Variants in HDAC9 observed in about 807,000 individuals in gnomAD.
The protein encoded by HDAC9 is histone deacetylase 9, also known as MEF-2 interacting transcription repressor (MITR) protein.
A neutral mutation model predicts 139.4 loss-of-function variants in HDAC9; 41 were observed. The observed-to-expected ratio is 0.29, with a 90% CI of 0.23 to 0.38. The LOEUF is 0.38. HDAC9 is among the 10% of genes least tolerant of loss of function. HDAC9 has a pLI of 1.00. For synonymous variants in HDAC9, 517 were observed against 476.2 expected, an observed-to-expected ratio of 1.09 and a Z score of -1.12; for missense variants, 1,147 against 1,297.0, an observed-to-expected ratio of 0.88 and a Z score of 1.78.
intron 24 of HDAC9, among the ~76,000 whole-genome samples, chr7:18,965,655 T>A (rs761416017): frequency 1.3e-5 from 2 of 152,224 alleles, no homozygotes; most frequent in African/African-American, 2.4e-5. Flanking sequence ...TGAGAGCTGA[T>A]GTAAAACACA....
At chr7:18,514,988 C>T (rs757786366) in intron 2 of HDAC9, among the ~76,000 whole-genome samples, 3 of 152,040 alleles carry the variant, frequency 2.0e-5, no homozygotes, top group Non-Finnish European at 2.9e-5. Flanking sequence ...TAATTTTCTT[C>T]GTTAAACTAG....
intron 1 of HDAC9, among the ~76,000 whole-genome samples, chr7:18,364,347 C>T (rs181348201): frequency 3.0e-4 from 46 of 151,970 alleles, no homozygotes; most frequent in Non-Finnish European, 4.6e-4. Flanking sequence ...TCTGCGGCAC[C>T]GGCATATGAT....
At chr7:18,122,280 A>G (rs1011933212) in intron 1 of HDAC9, among the ~76,000 whole-genome samples, 18 of 152,138 alleles carry the variant, frequency 1.2e-4, no homozygotes, top group Non-Finnish European at 1.8e-4. Flanking sequence ...GTTGGTGAGA[A>G]TATGGATATG....
chr7:18,144,953 T>G (rs1786187545), intron 1 of HDAC9, among the ~76,000 whole-genome samples: 1 of 152,214 alleles, frequency 6.6e-6, no homozygotes, highest in Non-Finnish European at 1.5e-5. Flanking sequence ...TTGAATGACA[T>G]CTTTCTGTTC....
chr7:18,782,909 G>C (rs573709451), intron 16 of HDAC9, among the ~76,000 whole-genome samples: 1 of 152,006 alleles, frequency 6.6e-6, no homozygotes, highest in African/African-American at 2.4e-5. Context: ...GCTGGTTTAC[G>C]AGGTCTCTAA....
At chr7:18,939,710 T>TA (rs927134424) in intron 23 of HDAC9, among the ~76,000 whole-genome samples, 31 of 152,180 alleles carry the variant, frequency 2.0e-4, no homozygotes, top group Admixed American at 2.0e-3. Context: ...AAGCTGTAGG[T>TA]AAAAAAATAC....
At chr7:18,650,888 T>G (rs539381399) in intron 11 of HDAC9, among the ~76,000 whole-genome samples, 9 of 152,178 alleles carry the variant, frequency 5.9e-5, no homozygotes, top group Admixed American at 1.3e-4. Flanking sequence ...GCCAGTTGGC[T>G]TTTCTCCAAG....
At chr7:18,916,153 T>C (rs1045651565) in intron 22 of HDAC9, among the ~76,000 whole-genome samples, 6 of 151,866 alleles carry the variant, frequency 4.0e-5, no homozygotes, top group African/African-American at 1.5e-4. Flanking sequence ...AAAGAAAGGC[T>C]CAGGGATGGT....
chr7:18,225,267 T>C (rs1342785090), intron 2 of HDAC9, among the ~76,000 whole-genome samples: 2 of 152,220 alleles, frequency 1.3e-5, no homozygotes, highest in African/African-American at 4.8e-5. Context: ...ACACTGAGTA[T>C]GCCAAAATGA....
At chr7:18,427,400 T>A (rs1406530199) in intron 1 of HDAC9, among the ~76,000 whole-genome samples, 1 of 149,284 alleles carries the variant, frequency 6.7e-6, no homozygotes, top group Admixed American at 6.6e-5. Flanking sequence ...TTGCTTGCTT[T>A]TATTTCTTTA....
At chr7:18,889,584 A>G (rs141775763) in intron 22 of HDAC9, among the ~76,000 whole-genome samples, 93 of 152,344 alleles carry the variant, frequency 6.1e-4, no homozygotes, top group African/African-American at 2.1e-3. Context: ...TGCTATAAAA[A>G]AAAGAAAAGG....
At chr7:18,980,761 T>C (rs921005409) in intron 25 of HDAC9, among the ~76,000 whole-genome samples, 2 of 100,220 alleles carry the variant, frequency 2.0e-5, no homozygotes, top group African/African-American at 5.3e-5. Flanking sequence ...TCTTCTTCCT[T>C]CTTCTTCTTC....
At chr7:18,287,460 G>A (rs1049846258), upstream of HDAC9, among the ~76,000 whole-genome samples, 2 of 152,146 alleles carry the variant, frequency 1.3e-5, no homozygotes, top group African/African-American at 2.4e-5. Flanking sequence ...CAGTAATCAT[G>A]TTAGCCTGAA....
At chr7:18,772,254 A>G (rs1050574473) in intron 16 of HDAC9, among the ~76,000 whole-genome samples, 1 of 152,114 alleles carries the variant, frequency 6.6e-6, no homozygotes, top group Non-Finnish European at 1.5e-5. Context: ...TTGACTGTTC[A>G]GGCAATAGAA....
chr7:18,527,449 T>G (rs1010751529), intron 2 of HDAC9, among the ~76,000 whole-genome samples: 3 of 152,200 alleles, frequency 2.0e-5, no homozygotes, highest in African/African-American at 7.2e-5. Flanking sequence ...CTGGGTAATA[T>G]CTCAGAATTA....
In HDAC9 at chr7:18,732,906, TGC is replaced by T. The variant is rs1430702541; in HGVS notation, c.1909+5151_1909+5152del. On this transcript the variant is annotated intron_variant, in intron 13 of 25. Transcript: ENST00000686413. ...GTGCGTATGTGTACACACACACGTG[TGC>T]GTATGTGTATACACACGTGTGTATG... 7.0e-5 allele frequency among the ~76,000 whole-genome samples: 6 copies of T among 85,828 alleles called. 1 individual carries two copies. Among genetic ancestry groups the T allele is most frequent in the Admixed American group, 1.1e-4 (1 of 9,122 alleles). 56.3% of individuals were successfully genotyped at this position (85,828 alleles called of 152,430 possible).
intron 17 of HDAC9, among the ~76,000 whole-genome samples, chr7:18,807,498 T>C (rs1360463751): frequency 1.3e-5 from 2 of 151,722 alleles, no homozygotes; most frequent in Non-Finnish European, 2.9e-5. Flanking sequence ...TTTACTCTTC[T>C]TTTTTTTAGT....
intron 2 of HDAC9, among the ~76,000 whole-genome samples, chr7:18,547,861 C>CCTTCCTTCCTTCCTTCCTTCCT (rs1563230225): frequency 2.9e-4 from 6 of 21,012 alleles, no homozygotes; most frequent in Admixed American, 7.4e-4. Flanking sequence ...CCTTCCTACC[C>CCTTCCTTCCTTCCTTCCTTCCT]TCCCTCCCTC....
chr7:18,400,386 A>G (rs1183065397), intron 1 of HDAC9, among the ~76,000 whole-genome samples: 1 of 152,196 alleles, frequency 6.6e-6, no homozygotes, highest in Admixed American at 6.5e-5. Flanking sequence ...GGAAGAGGAC[A>G]TGTTTTACTA....
Sources: allele counts gnomAD v4.1 joint callset (sites outside exome capture counted in the v4.1 genomes callset), GRCh38; gene constraint gnomAD v4.1.1; transcripts MANE v1.5; gene names NCBI Gene and HGNC (gene_info 2026-07-23, HGNC 2026-07-21).